ADGRL2: variants seen among roughly 807,000 people sequenced by gnomAD.
The protein encoded by ADGRL2 is adhesion G protein-coupled receptor L2, also known as calcium-independent alpha-latrotoxin receptor 2.
Under a neutral mutation model 157.4 loss-of-function variants are expected in ADGRL2, and 44 were observed. The ratio of observed to expected loss-of-function variants is 0.28; its 90% CI spans 0.22 to 0.36. The LOEUF is 0.36. ADGRL2 is among the 10% of genes least tolerant of loss of function. ADGRL2 has a pLI of 1.00. For synonymous variants in ADGRL2, 585 were observed against 624.7 expected, an observed-to-expected ratio of 0.94 and a Z score of 0.95; for missense variants, 1,510 against 1,768.9, an observed-to-expected ratio of 0.85 and a Z score of 2.63.
intron 2 of ADGRL2, among the ~76,000 whole-genome samples, chr1:81,510,347 AT>A (rs992498266): frequency 1.3e-4 from 20 of 152,164 alleles, no homozygotes; most frequent in Non-Finnish European, 2.2e-4. Flanking sequence ...AATAGAGGGA[AT>A]TTTTTCATCG....
chr1:81,458,383 T>C (rs944533392), intron 2 of ADGRL2, among the ~76,000 whole-genome samples: 5 of 152,238 alleles, frequency 3.3e-5, no homozygotes, highest in Admixed American at 2.6e-4. Context: ...GCAACTGTTG[T>C]GGCTTTTGAA....
rs1419276677 is a variant in ADGRL2 at position 81,469,639 on chromosome 1, C to G, written c.-248+24550C>G. On this transcript the variant is annotated intron_variant, in intron 2 of 24. Coordinates refer to the ADGRL2 transcript ENST00000370721. ...CTTTCCCTTTTATCTAAAAAAACCA[C>G]AGGCGGGCTCTATTCCTTTCTTCAA... 2.0e-5 allele frequency among the ~76,000 whole-genome samples: 3 copies of G among 152,194 alleles called. No individual in the cohort carries two copies. The East Asian group carries it at 5.8e-4, about 29-fold the overall frequency.
At chr1:81,674,895 G>T (rs1405592372) in intron 3 of ADGRL2, among the ~76,000 whole-genome samples, 1 of 152,120 alleles carries the variant, frequency 6.6e-6, no homozygotes, top group Non-Finnish European at 1.5e-5. Flanking sequence ...GAAGATCCTT[G>T]CAGGAAACTG....
rs556449145 is a variant in ADGRL2, at chr1:81,805,214, C to T, written c.-101+4146C>T. Reference sequence around the variant, plus strand: ...GAATTTCTTTTAACAATTCAATATCCATGAATGAAAAAAAGAACAAGTGCT... The same window carrying T: ...GAATTTCTTTTAACAATTCAATATCTATGAATGAAAAAAAGAACAAGTGCT... On this transcript the variant is annotated intron_variant, in intron 1 of 23. Transcript: ENST00000686636. Among the ~76,000 whole-genome samples, 5 of 151,904 alleles carry T rather than the reference C, an allele frequency of 3.3e-5. 1 individual carries two copies. Among genetic ancestry groups the T allele is most frequent in the African/African-American group, 1.2e-4 (5 of 41,454 alleles).
intron 2 of ADGRL2, among the ~76,000 whole-genome samples, chr1:81,447,304 A>G (rs1036833986): frequency 2.0e-5 from 3 of 152,208 alleles, no homozygotes; most frequent in Admixed American, 6.5e-5. Context: ...CAAGGCAAGT[A>G]ACAGTTACTG....
intron 2 of ADGRL2, among the ~76,000 whole-genome samples, chr1:81,447,414 C>G (rs1001081484): frequency 3.9e-5 from 6 of 152,132 alleles, no homozygotes; most frequent in African/African-American, 1.4e-4. Flanking sequence ...ATTTTTCTGG[C>G]ATCTTTGTGA....
chr1:81,548,748 A>T (rs2080078211), intron 2 of ADGRL2, among the ~76,000 whole-genome samples: 1 of 152,194 alleles, frequency 6.6e-6, no homozygotes, highest in African/African-American at 2.4e-5. Context: ...AAATCTCTAA[A>T]TAATCTCAAA....
intron 20 of ADGRL2, 110 bp downstream of exon 20, chr1:81,984,821 G>A: frequency 1.7e-6 from 2 of 1,190,260 alleles, no homozygotes; most frequent in Non-Finnish European, 2.3e-6. Flanking sequence ...GATCTAGATA[G>A]CAAATACTTG....
intron 1 of ADGRL2, among the ~76,000 whole-genome samples, chr1:81,827,830 G>C (rs1246848998): frequency 1.3e-5 from 2 of 152,136 alleles, no homozygotes; most frequent in Non-Finnish European, 2.9e-5. Flanking sequence ...CTCCCAAAGT[G>C]CTAGGATTAC....
chr1:81,719,626 T>C (rs189008621), intron 1 of ADGRL2, among the ~76,000 whole-genome samples: 2 of 152,334 alleles, frequency 1.3e-5, no homozygotes, highest in African/African-American at 4.8e-5. Context: ...TTCATCATTT[T>C]TTTTTCTTTT....
At chr1:81,366,202 T>C (rs1490926813) in intron 1 of ADGRL2, among the ~76,000 whole-genome samples, 1 of 151,920 alleles carries the variant, frequency 6.6e-6, no homozygotes, top group African/African-American at 2.4e-5. Flanking sequence ...TGTTTAAGAG[T>C]AAGCTGTGCA....
chr1:81,503,125 C>T (rs963600306), intron 2 of ADGRL2: 22 of 1,613,370 alleles, frequency 1.4e-5, no homozygotes, highest in East Asian at 4.5e-5. Context: ...GGAGGAGCAG[C>T]GCCTGGTGCA....
At chr1:81,319,775 G>A (rs1019263011) in intron 1 of ADGRL2, among the ~76,000 whole-genome samples, 18 of 152,196 alleles carry the variant, frequency 1.2e-4, no homozygotes, top group African/African-American at 4.3e-4. Context: ...CTCTAGGTCA[G>A]TCATCTGAGC....
At chr1:81,796,795 G>A (rs759946112), upstream of ADGRL2, among the ~76,000 whole-genome samples, 28 of 152,044 alleles carry the variant, frequency 1.8e-4, no homozygotes, top group Admixed American at 1.3e-4. Flanking sequence ...AACACAATAT[G>A]CCTTAATTAT....
chr1:81,559,986 A>C (rs1218572937), intron 2 of ADGRL2, among the ~76,000 whole-genome samples: 3 of 152,196 alleles, frequency 2.0e-5, no homozygotes, highest in Admixed American at 1.3e-4. Context: ...TCTTCTTCTT[A>C]AAAGATCAAA....
chr1:81,945,041 G>C (rs1489000835), intron 6 of ADGRL2, among the ~76,000 whole-genome samples: 1 of 151,872 alleles, frequency 6.6e-6, no homozygotes, highest in Non-Finnish European at 1.5e-5. Flanking sequence ...GGTTATGTTT[G>C]TATTTTTTGG....
At position 81,966,414 on chromosome 1, in the gene ADGRL2, G is replaced by T. The variant is rs1279210773; in HGVS notation, c.2154G>T (p.Lys718Asn). 1.2e-6 allele frequency: 2 copies of T among 1,613,952 alleles called. No homozygotes were observed. The highest frequency in any genetic ancestry group is 4.5e-5 in the East Asian group (2 of 44,868). ...VKQNSRNGLA[K>N]LVFIIYRSLG... ...TTTTTACCTTCCTAGGGCTTGCAAA[G>T]TTGGTGTTCATCATTTACCGGAGCC... The change falls in exon 13 of 24, where the codon AAG (lysine) becomes AAT (asparagine). Residue 718 changes from lysine to asparagine, a missense_variant. By Grantham distance (94) the Lys-to-Asn change is moderately conservative. Coordinates refer to ENST00000686636, the MANE Select transcript of ADGRL2 (RefSeq NM_001366006.2).
At position 81,819,537 on chromosome 1, in the gene ADGRL2, C is replaced by T. The variant is rs563184689; in HGVS notation, c.-100-17348C>T. On this transcript the variant is annotated intron_variant, in intron 1 of 23. Transcript: ENST00000686636. Reference sequence around the variant, plus strand: ...GTTTTTAAATGTTTTCGAGTGTATACCTGCATATGTTTTTACACTGCATAT... The same window carrying T: ...GTTTTTAAATGTTTTCGAGTGTATATCTGCATATGTTTTTACACTGCATAT... Among the ~76,000 whole-genome samples, 229 of 152,108 alleles carry T rather than the reference C, an allele frequency of 1.5e-3. 1 individual carries two copies. Among genetic ancestry groups the T allele is most frequent in the African/African-American group, 5.2e-3 (215 of 41,522 alleles).
At chr1:81,365,344 G>A (rs7527231) in intron 1 of ADGRL2, among the ~76,000 whole-genome samples, 77,394 of 151,944 alleles carry the variant, frequency 0.51, 21,744 homozygotes, top group East Asian at 0.72. Context: ...AGTTGCCAAA[G>A]TGTAGGGAAA....
Sources: allele counts gnomAD v4.1 joint callset (sites outside exome capture counted in the v4.1 genomes callset), GRCh38; gene constraint gnomAD v4.1.1; transcripts MANE v1.5; gene names NCBI Gene and HGNC (gene_info 2026-07-23, HGNC 2026-07-21).